PDZD2: variants seen among roughly 807,000 people sequenced by gnomAD.
The protein encoded by PDZD2 is PDZ domain containing 2.
In PDZD2, 90 loss-of-function variants were observed where a neutral mutation model predicts 220.7. That is an observed-to-expected ratio of 0.41 (90% CI 0.34 to 0.49). The LOEUF is 0.49. Among genes scored for constraint, PDZD2 ranks in the 20% least tolerant of loss-of-function variants. PDZD2 has a pLI of 0.28. For synonymous variants in PDZD2, 1,375 were observed against 1,450.5 expected (o/e 0.95, Z 1.18); for missense variants, 3,174 against 3,608.5 (o/e 0.88, Z 3.08).
chr5:32,002,833 CA>C (rs1752317026), intron 5 of PDZD2, among the ~76,000 whole-genome samples: 1 of 125,914 alleles, frequency 7.9e-6, no homozygotes. Flanking sequence ...ACATACATAC[CA>C]ACACACACCA....
intron 2 of PDZD2, among the ~76,000 whole-genome samples, chr5:31,908,082 C>CCAAAA (rs1742824638): frequency 2.6e-5 from 2 of 76,886 alleles, no homozygotes; most frequent in African/African-American, 1.1e-4. Context: ...GGCTCCGTCT[C>CCAAAA]AAAAAAAAAA....
chr5:31,868,770 G>A (rs1394260316), intron 2 of PDZD2, among the ~76,000 whole-genome samples: 2 of 152,074 alleles, frequency 1.3e-5, no homozygotes, highest in African/African-American at 4.8e-5. Context: ...CGTTAAAGGT[G>A]AGTTTTTTTG....
Position 31,698,301 on chromosome 5 carries a change from T to C in PDZD2, c.-361+58864T>C, listed in dbSNP as rs374946521. On this transcript the variant is annotated intron_variant, in intron 1 of 24. Transcript: ENST00000438447. ...AGGTTCTGCCTCTGTTCTGGCAATA[T>C]TGAAAAAGAGAAGGCCGGGTGCGGT... Among the ~76,000 whole-genome samples, 117 of 149,458 alleles carry C rather than the reference T, an allele frequency of 7.8e-4. 3 individuals are homozygous for C. In the South Asian group the frequency reaches 0.025, roughly 32 times the overall value.
chr5:31,798,001 G>A (rs1490329920), intron 1 of PDZD2, among the ~76,000 whole-genome samples: 1 of 152,128 alleles, frequency 6.6e-6, no homozygotes, highest in Non-Finnish European at 1.5e-5. Flanking sequence ...GGTGGAGAAG[G>A]CGAGTTGGCA....
At chr5:32,055,026 C>A (rs1561463036) in intron 10 of PDZD2, among the ~76,000 whole-genome samples, 1 of 152,002 alleles carries the variant, frequency 6.6e-6, no homozygotes, top group Non-Finnish European at 1.5e-5. Context: ...ATAAATAGGC[C>A]AAAGTTTCCT....
chr5:31,697,755 A>AAGGT (rs1747433716), intron 1 of PDZD2, among the ~76,000 whole-genome samples: 1 of 152,158 alleles, frequency 6.6e-6, no homozygotes, highest in Non-Finnish European at 1.5e-5. Flanking sequence ...TACTGTGCTC[A>AAGGT]GTAATACAAC....
intron 2 of PDZD2, among the ~76,000 whole-genome samples, chr5:31,849,026 G>A (rs1027550359): frequency 7.2e-5 from 11 of 152,252 alleles, no homozygotes; most frequent in Admixed American, 3.3e-4. Flanking sequence ...TCCAGCCTGG[G>A]CGACAGAGCG....
chr5:31,786,981 T>TA (rs967601328), intron 1 of PDZD2, among the ~76,000 whole-genome samples: 14 of 152,076 alleles, frequency 9.2e-5, no homozygotes, highest in South Asian at 2.1e-4. Flanking sequence ...ATCCTGTTTT[T>TA]AAAAAAAATC....
At chr5:32,061,236 G>GTT in intron 14 of PDZD2, 102 bp downstream of exon 14, 1 of 1,098,502 alleles carries the variant, frequency 9.1e-7, no homozygotes, top group South Asian at 1.4e-5. Context: ...GGATAGGCAG[G>GTT]CAACCTACGG....
intron 1 of PDZD2, among the ~76,000 whole-genome samples, chr5:31,757,329 C>T (rs371822423): frequency 6.6e-6 from 1 of 151,756 alleles, no homozygotes; most frequent in Non-Finnish European, 1.5e-5. Context: ...CGGTGGCTCA[C>T]GCCGGTAATC....
intron 1 of PDZD2, among the ~76,000 whole-genome samples, chr5:31,651,892 A>T (rs2150107074): frequency 2.6e-5 from 1 of 38,412 alleles, no homozygotes; most frequent in South Asian, 1.1e-3. Context: ...ATCTTGGCTC[A>T]CTGGAACTTC....
Position 31,743,957 on chromosome 5 carries a change from A to T in PDZD2, c.-360-54932A>T, listed in dbSNP as rs1750427106. On this transcript the variant is annotated intron_variant, in intron 1 of 24. Coordinates refer to ENST00000438447, the MANE Select transcript of PDZD2 (RefSeq NM_178140.4). ...CTAATTGGCTCAGGCGGCATCAAAT[A>T]TAGAGTTTTCTGTCCTAGTCTTTCC... 5 of 152,362 alleles carry T rather than the reference A, an allele frequency of 3.3e-5. No homozygotes were observed. In the East Asian group the frequency reaches 9.6e-4, roughly 29 times the overall value. 9.4% of individuals were successfully genotyped at this position (152,362 alleles called of 1,614,324 possible).
At chr5:31,903,086 G>A (rs1742248103) in intron 2 of PDZD2, among the ~76,000 whole-genome samples, 2 of 151,844 alleles carry the variant, frequency 1.3e-5, no homozygotes, top group African/African-American at 2.4e-5. Flanking sequence ...CCTGAGGTCA[G>A]GAGTTCGAGA....
At chr5:31,884,316 T>C (rs1215486668) in intron 2 of PDZD2, among the ~76,000 whole-genome samples, 1 of 152,204 alleles carries the variant, frequency 6.6e-6, no homozygotes, top group East Asian at 1.9e-4. Context: ...GCCGATCTTG[T>C]TTCTGTTAGG....
At chr5:31,888,167 T>C (rs1740689746) in intron 2 of PDZD2, among the ~76,000 whole-genome samples, 3 of 152,074 alleles carry the variant, frequency 2.0e-5, no homozygotes, top group Admixed American at 1.3e-4. Flanking sequence ...TTTCTCTTCT[T>C]TCCTCTTTTC....
At position 31,639,617 on chromosome 5, in the gene PDZD2, C is replaced by T. The variant is rs1278051399; in HGVS notation, c.-361+180C>T. Among the ~76,000 whole-genome samples the T allele has an allele frequency of 6.6e-6, 1 of 152,116 alleles. No individual in the cohort carries two copies. Among genetic ancestry groups the T allele is most frequent in the African/African-American group, 2.4e-5 (1 of 41,434 alleles). Reference sequence around the variant, plus strand: ...CGCCGAACCGGGGTCCCACGTTGGGCGGCGCAAACTCCTCTAGCATCCGGC... The same window carrying T: ...CGCCGAACCGGGGTCCCACGTTGGGTGGCGCAAACTCCTCTAGCATCCGGC... On this transcript the variant is annotated intron_variant, in intron 1 of 24. Transcript: ENST00000438447. The surrounding 1 kb of genome is among the most constrained non-coding windows in gnomAD (Gnocchi z 4.1).
intron 1 of PDZD2, among the ~76,000 whole-genome samples, chr5:31,782,838 C>T (rs74870856): frequency 0.07 from 10,626 of 151,398 alleles, 1,145 homozygotes; most frequent in East Asian, 0.53. Flanking sequence ...CTCAGCCTCC[C>T]GAGTAGCTGT....
intron 1 of PDZD2, among the ~76,000 whole-genome samples, chr5:31,758,350 G>A (rs1032480263): frequency 2.0e-5 from 3 of 152,202 alleles, no homozygotes; most frequent in African/African-American, 7.2e-5. Context: ...TGGAATGAGG[G>A]TTGGGCAGCC....
chr5:31,665,638 T>TCC (rs202150349), intron 1 of PDZD2, among the ~76,000 whole-genome samples: 337 of 75,542 alleles, frequency 4.5e-3, no homozygotes, highest in Non-Finnish European at 5.6e-3. Flanking sequence ...GTTTGGAAGT[T>TCC]CCCCCTCCCC....
Sources: allele counts gnomAD v4.1 joint callset (sites outside exome capture counted in the v4.1 genomes callset), GRCh38; gene constraint gnomAD v4.1.1; non-coding constraint Gnocchi (gnomAD v3.1); transcripts MANE v1.5; gene names NCBI Gene and HGNC (gene_info 2026-07-23, HGNC 2026-07-21).